PPARGC1A: variants seen among roughly 807,000 people sequenced by gnomAD.
PPARGC1A encodes the protein peroxisome proliferator-activated receptor gamma coactivator 1-alpha.
A neutral mutation model predicts 88.7 loss-of-function variants in PPARGC1A; 25 were observed. The observed-to-expected ratio is 0.28, with a 90% CI of 0.21 to 0.39. The LOEUF is 0.39. Among genes scored for constraint, PPARGC1A ranks in the 10% least tolerant of loss-of-function variants. The probability of loss-of-function intolerance (pLI) is 1.00; values close to 1 mark genes in which losing one functional copy is unlikely to be tolerated. For synonymous variants in PPARGC1A, 363 were observed against 355.6 expected, an observed-to-expected ratio of 1.02 and a Z score of -0.24; for missense variants, 880 against 968.7, an observed-to-expected ratio of 0.91 and a Z score of 1.22.
intron 5 of PPARGC1A, chr4:23,825,135 A>C (rs2109613028): frequency 6.6e-6 from 1 of 152,200 alleles, no homozygotes; most frequent in African/African-American, 2.4e-5. Context: ...AAAGAGGCTA[A>C]CTACTGCCTT....
chr4:23,986,430 A>G, the PPARGC1A span, among the ~76,000 whole-genome samples: 5 of 152,102 alleles, frequency 3.3e-5, no homozygotes, highest in South Asian at 4.1e-4. Flanking sequence ...GTAAGAGTTA[A>G]TAAGTCTCTA....
At chr4:24,261,240 A>G in the PPARGC1A span, among the ~76,000 whole-genome samples, 1 of 152,158 alleles carries the variant, frequency 6.6e-6, no homozygotes, top group Non-Finnish European at 1.5e-5. Flanking sequence ...TGCCAATGCC[A>G]GGCAAATCTA....
the PPARGC1A span, among the ~76,000 whole-genome samples, chr4:24,360,087 GA>G: frequency 2.0e-5 from 3 of 152,022 alleles, no homozygotes; most frequent in Non-Finnish European, 2.9e-5. Flanking sequence ...GCTCAATGTT[GA>G]AATACATCCA....
the PPARGC1A span, among the ~76,000 whole-genome samples, chr4:24,086,034 T>A: frequency 1.8e-4 from 27 of 152,332 alleles, no homozygotes; most frequent in African/African-American, 6.5e-4. Flanking sequence ...CATTGTTAAC[T>A]GTTCCTGAAA....
intron 2 of PPARGC1A, among the ~76,000 whole-genome samples, chr4:23,838,360 G>C (rs1726422670): frequency 6.6e-6 from 1 of 152,118 alleles, no homozygotes; most frequent in Admixed American, 6.6e-5. Flanking sequence ...TAATGACTGA[G>C]AGGTTCCTAG....
chr4:23,973,992 A>C, the PPARGC1A span, among the ~76,000 whole-genome samples: 1 of 152,030 alleles, frequency 6.6e-6, no homozygotes, highest in Non-Finnish European at 1.5e-5. Context: ...TAAATGAATA[A>C]AAGATTTTTC....
chr4:24,019,925 G>T, the PPARGC1A span, among the ~76,000 whole-genome samples: 4 of 152,272 alleles, frequency 2.6e-5, no homozygotes, highest in South Asian at 6.2e-4. Flanking sequence ...CATTTCTACA[G>T]ACATATATAG....
upstream of PPARGC1A, among the ~76,000 whole-genome samples, chr4:23,901,459 G>T (rs1048906903): frequency 6.6e-6 from 1 of 150,672 alleles, no homozygotes; most frequent in Admixed American, 6.6e-5. Context: ...CAGAAGAACC[G>T]CTTGAATGCA....
chr4:24,136,453 C>A, the PPARGC1A span, among the ~76,000 whole-genome samples: 5,863 of 152,200 alleles, frequency 0.039, 388 homozygotes, highest in African/African-American at 0.13. Context: ...CTCTAAGTTA[C>A]TCAACCCTCT....
At chr4:24,471,922 G>A in the PPARGC1A span, among the ~76,000 whole-genome samples, 6 of 152,194 alleles carry the variant, frequency 3.9e-5, no homozygotes, top group Non-Finnish European at 7.3e-5. This position sits in a 1 kb window ranked among gnomAD's most constrained non-coding sequence, Gnocchi z 5.4. Flanking sequence ...GGGAGTGGAG[G>A]GGGGACAGCA....
At chr4:24,387,527 C>T in the PPARGC1A span, among the ~76,000 whole-genome samples, 1 of 152,000 alleles carries the variant, frequency 6.6e-6, no homozygotes, top group Non-Finnish European at 1.5e-5. Context: ...TGATCGAGAC[C>T]ATCCTGGCCA....
intron 2 of PPARGC1A, among the ~76,000 whole-genome samples, chr4:23,867,192 T>C (rs11947940): frequency 6.6e-6 from 1 of 152,216 alleles, no homozygotes; most frequent in Non-Finnish European, 1.5e-5. Flanking sequence ...GTCTTCATGG[T>C]ACTTCATTTC....
At chr4:23,828,255 C>A (rs551152732) in intron 5 of PPARGC1A, 145 bp downstream of exon 5, 72 of 824,004 alleles carry the variant, frequency 8.7e-5, no homozygotes, top group Non-Finnish European at 1.3e-4. Context: ...GTTTCTTCCC[C>A]CGCTCTGTAA....
chr4:24,176,343 T>C, the PPARGC1A span, among the ~76,000 whole-genome samples: 1 of 152,160 alleles, frequency 6.6e-6, no homozygotes, highest in Non-Finnish European at 1.5e-5. Context: ...ACTGATTTAT[T>C]ACATGGCTTT....
chr4:24,276,934 G>C, the PPARGC1A span, among the ~76,000 whole-genome samples: 1 of 152,160 alleles, frequency 6.6e-6, no homozygotes, highest in Non-Finnish European at 1.5e-5. Flanking sequence ...AATATCAAGC[G>C]TCAGGCACCT....
At chr4:24,100,645 T>A in the PPARGC1A span, among the ~76,000 whole-genome samples, 44 of 152,224 alleles carry the variant, frequency 2.9e-4, no homozygotes, top group African/African-American at 9.9e-4. Flanking sequence ...AAAGAATCAA[T>A]AGATAACCTT....
the PPARGC1A span, among the ~76,000 whole-genome samples, chr4:24,118,327 G>A: frequency 6.6e-6 from 1 of 152,100 alleles, no homozygotes; most frequent in Non-Finnish European, 1.5e-5. Context: ...CCCTTCTACA[G>A]TTTGAACGTT....
At chr4:24,008,750 G>A in the PPARGC1A span, among the ~76,000 whole-genome samples, 69 of 151,986 alleles carry the variant, frequency 4.5e-4, 1 homozygote, top group Admixed American at 4.3e-3. Context: ...ATCACTAGAA[G>A]GGCAGCAAAC....
the PPARGC1A span, among the ~76,000 whole-genome samples, chr4:24,375,487 G>T: frequency 6.6e-6 from 1 of 152,162 alleles, no homozygotes; most frequent in Non-Finnish European, 1.5e-5. Context: ...AAAGGAAAAT[G>T]TCACATTAAC....
Sources: allele counts gnomAD v4.1 joint callset (sites outside exome capture counted in the v4.1 genomes callset), GRCh38; gene constraint gnomAD v4.1.1; non-coding constraint Gnocchi (gnomAD v3.1); transcripts MANE v1.5; gene names NCBI Gene and HGNC (gene_info 2026-07-23, HGNC 2026-07-21).